Variants in PTPRT observed in about 807,000 individuals in gnomAD.
The protein encoded by PTPRT is receptor-type tyrosine-protein phosphatase T.
PTPRT carries 56 observed loss-of-function variants against 176.8 expected under a neutral mutation model. That is an observed-to-expected ratio of 0.32 (90% CI 0.26 to 0.40). The LOEUF (loss-of-function observed/expected upper bound fraction) is 0.40. Among genes scored for constraint, PTPRT ranks in the 10% least tolerant of loss-of-function variants. PTPRT has a pLI of 1.00. For missense variants in PTPRT, 1,540 were observed against 1,908.2 expected (o/e 0.81, Z 3.60); for synonymous variants, 783 against 739.0 (o/e 1.06, Z -0.96).
intron 1 of PTPRT, among the ~76,000 whole-genome samples, chr20:42,982,158 C>T (rs1983319692): frequency 6.6e-6 from 1 of 152,332 alleles, no homozygotes; most frequent in Non-Finnish European, 1.5e-5. Context: ...GAAAGACCTT[C>T]GTTAGGTTGA....
chr20:42,571,258 A>T (rs1278527412), intron 7 of PTPRT, among the ~76,000 whole-genome samples: 1 of 152,210 alleles, frequency 6.6e-6, no homozygotes, highest in Non-Finnish European at 1.5e-5. Context: ...AATCATGTAC[A>T]CTTATTTGTT....
chr20:42,400,922 G>A (rs970001446), intron 9 of PTPRT, among the ~76,000 whole-genome samples: 4 of 151,940 alleles, frequency 2.6e-5, no homozygotes, highest in Admixed American at 2.0e-4. Flanking sequence ...AACAGATGAA[G>A]CTATACTGGG....
Position 43,186,836 on chromosome 20 carries a change from A to G in PTPRT, c.88+2810T>C, listed in dbSNP as rs541113815. 1.2e-4 allele frequency among the ~76,000 whole-genome samples: 18 copies of G among 152,356 alleles called. No homozygotes were observed. In the South Asian group the frequency reaches 3.7e-3, roughly 32 times the overall value. On this transcript the variant is annotated intron_variant, in intron 1 of 30. Coordinates refer to ENST00000373187, the MANE Select transcript of PTPRT (RefSeq NM_007050.6). ...TATCCAACGGTGATTATTGAGTTAAATGACTACATTGCTAACAATTGCAAT... is the reference window on the plus strand; with the variant it reads ...TATCCAACGGTGATTATTGAGTTAAGTGACTACATTGCTAACAATTGCAAT...
chr20:42,066,556 A>T, the PTPRT span, among the ~76,000 whole-genome samples: 1 of 152,186 alleles, frequency 6.6e-6, no homozygotes, highest in Non-Finnish European at 1.5e-5. Flanking sequence ...GGAATAGTAC[A>T]TACTGCATAA....
intron 6 of PTPRT, among the ~76,000 whole-genome samples, chr20:42,692,464 A>C (rs2075807409): frequency 6.6e-6 from 1 of 152,222 alleles, no homozygotes; most frequent in Non-Finnish European, 1.5e-5. Flanking sequence ...GTCTCAAGAG[A>C]TGCTGAGGAA....
At chr20:42,850,136 A>C (rs2078442995) in intron 2 of PTPRT, among the ~76,000 whole-genome samples, 1 of 152,200 alleles carries the variant, frequency 6.6e-6, no homozygotes, top group Non-Finnish European at 1.5e-5. Flanking sequence ...AATCAAAGCA[A>C]GTTCCCCCCT....
intron 7 of PTPRT, among the ~76,000 whole-genome samples, chr20:42,555,659 C>T (rs1368822218): frequency 6.6e-6 from 1 of 152,118 alleles, no homozygotes; most frequent in African/African-American, 2.4e-5. Context: ...ACCTCCTTGC[C>T]CCAGAGACAG....
chr20:42,083,136 A>AAAAAAAAAAAAG (rs146913637), intron 29 of PTPRT, among the ~76,000 whole-genome samples: 8 of 130,218 alleles, frequency 6.1e-5, no homozygotes, highest in East Asian at 2.6e-4. Context: ...AAAAAAAAAA[A>AAAAAAAAAAAAG]GCAGGCTAAA....
chr20:42,158,514 C>A (rs1273705223), intron 17 of PTPRT, among the ~76,000 whole-genome samples: 3 of 152,136 alleles, frequency 2.0e-5, no homozygotes, highest in African/African-American at 7.2e-5. Context: ...CAGCACAGAG[C>A]AGGTTGGTAT....
chr20:42,708,100 C>A (rs1449752622), intron 6 of PTPRT, among the ~76,000 whole-genome samples: 1 of 152,054 alleles, frequency 6.6e-6, no homozygotes, highest in Non-Finnish European at 1.5e-5. Flanking sequence ...TGTAATATAG[C>A]ATTAACTTTA....
At chr20:42,774,020 T>C (rs1196889136) in intron 4 of PTPRT, among the ~76,000 whole-genome samples, 5 of 152,216 alleles carry the variant, frequency 3.3e-5, no homozygotes, top group Admixed American at 3.3e-4. Flanking sequence ...GATTCTTTCA[T>C]CTTCAATTCC....
At chr20:42,701,051 T>C (rs975418595) in intron 6 of PTPRT, among the ~76,000 whole-genome samples, 1 of 151,312 alleles carries the variant, frequency 6.6e-6, no homozygotes. Context: ...ACAACTTGTG[T>C]CTGCAACAAG....
chr20:42,618,633 G>A (rs1411227499), intron 7 of PTPRT, among the ~76,000 whole-genome samples: 1 of 128,030 alleles, frequency 7.8e-6, no homozygotes, highest in East Asian at 2.0e-4. Flanking sequence ...CCTGTATTGG[G>A]TGCATATATA....
intron 1 of PTPRT, among the ~76,000 whole-genome samples, chr20:43,160,064 G>A (rs2014649713): frequency 6.6e-6 from 1 of 151,840 alleles, no homozygotes; most frequent in Non-Finnish European, 1.5e-5. Flanking sequence ...CAGGAAACAG[G>A]CCTGCCCGGT....
At chr20:43,020,239 A>T (rs1211321477) in intron 1 of PTPRT, among the ~76,000 whole-genome samples, 1 of 147,482 alleles carries the variant, frequency 6.8e-6, no homozygotes, top group Non-Finnish European at 1.5e-5. Flanking sequence ...ATATATATAT[A>T]TTTATGTTAT....
chr20:43,022,461 T>C (rs1445981915), intron 1 of PTPRT, among the ~76,000 whole-genome samples: 1 of 152,220 alleles, frequency 6.6e-6, no homozygotes, highest in Non-Finnish European at 1.5e-5. Context: ...ACATTAAGTA[T>C]TAATAGGCCT....
chr20:42,553,222 A>G (rs575227145), intron 7 of PTPRT, among the ~76,000 whole-genome samples: 16 of 152,258 alleles, frequency 1.1e-4, no homozygotes, highest in African/African-American at 3.4e-4. Flanking sequence ...TTCCCAAAAG[A>G]GTTCTTTAAA....
In PTPRT at chr20:42,847,429, T is replaced by C. The variant is rs185901323; in HGVS notation, c.214+38378A>G. 2.6e-5 allele frequency among the ~76,000 whole-genome samples: 4 copies of C among 152,302 alleles called. No homozygotes were observed. In the East Asian group the frequency reaches 7.7e-4, roughly 29 times the overall value. ...AGACCAAGGGCATTGGCAGAGCCTA[T>C]ACAGGCCAGCCTTTCAGGGCAGTGA... On this transcript the variant is annotated intron_variant, in intron 2 of 30. Coordinates refer to ENST00000373187, the MANE Select transcript of PTPRT (RefSeq NM_007050.6).
chr20:42,318,681 G>A (rs1378541792), intron 11 of PTPRT, among the ~76,000 whole-genome samples: 1 of 152,184 alleles, frequency 6.6e-6, no homozygotes, highest in Non-Finnish European at 1.5e-5. Flanking sequence ...AGAGCTGGGA[G>A]TCCCTGCTTT....
Sources: allele counts gnomAD v4.1 joint callset (sites outside exome capture counted in the v4.1 genomes callset), GRCh38; gene constraint gnomAD v4.1.1; transcripts MANE v1.5; gene names NCBI Gene and HGNC (gene_info 2026-07-23, HGNC 2026-07-21).